PPP1R12B: variants seen among roughly 807,000 people sequenced by gnomAD.
PPP1R12B encodes the protein myosin phosphatase target subunit 2.
A neutral mutation model predicts 126.1 loss-of-function variants in PPP1R12B; 76 were observed. The observed-to-expected ratio is 0.60, with a 90% CI of 0.50 to 0.73. The LOEUF (loss-of-function observed/expected upper bound fraction) is 0.73, where lower values mean the gene tolerates loss of function less well. Among genes scored for constraint, PPP1R12B ranks in the 30% least tolerant of loss-of-function variants. The pLI is 0.00. For missense variants in PPP1R12B, 1,052 were observed against 1,205.1 expected (o/e 0.87, Z 1.88); for synonymous variants, 356 against 434.7 (o/e 0.82, Z 2.25).
chr1:202,441,099 T>C (rs112845588), intron 11 of PPP1R12B, among the ~76,000 whole-genome samples: 95 of 152,324 alleles, frequency 6.2e-4, no homozygotes, highest in African/African-American at 2.1e-3. Flanking sequence ...TCTGGTTTCT[T>C]AAGGACCCCT....
intron 18 of PPP1R12B, among the ~76,000 whole-genome samples, chr1:202,539,214 C>G (rs1251413959): frequency 6.6e-6 from 1 of 152,218 alleles, no homozygotes; most frequent in Non-Finnish European, 1.5e-5. Context: ...GCTGCCTACT[C>G]TGAGGCAGGG....
At chr1:202,467,837 C>T (rs1360928711) in intron 13 of PPP1R12B, among the ~76,000 whole-genome samples, 1 of 152,172 alleles carries the variant, frequency 6.6e-6, no homozygotes, top group Non-Finnish European at 1.5e-5. Flanking sequence ...TACAGTCCCA[C>T]CAACAGTGTA....
intron 1 of PPP1R12B, among the ~76,000 whole-genome samples, chr1:202,353,663 G>C (rs914897515): frequency 1.3e-5 from 2 of 149,882 alleles, no homozygotes; most frequent in African/African-American, 4.9e-5. Context: ...AGACTGGAGT[G>C]TGGTGGTGTG....
intron 18 of PPP1R12B, among the ~76,000 whole-genome samples, chr1:202,521,929 T>C (rs1003888554): frequency 6.6e-6 from 1 of 152,126 alleles, no homozygotes; most frequent in African/African-American, 2.4e-5. Flanking sequence ...AAATTAATGA[T>C]AAAGAGAAAA....
intron 18 of PPP1R12B, among the ~76,000 whole-genome samples, chr1:202,512,151 C>T (rs1319465790): frequency 6.6e-6 from 1 of 152,160 alleles, no homozygotes; most frequent in East Asian, 1.9e-4. Context: ...AGGGCTAACC[C>T]TAGAAAAGAG....
rs200648031 is a variant in PPP1R12B, at chr1:202,362,822, G to GTTTATTTA, written c.291+13698_291+13705dup. 3.3e-5 allele frequency among the ~76,000 whole-genome samples: 5 copies of GTTTATTTA among 151,924 alleles called. No individual in the cohort carries two copies. The East Asian group carries it at 9.6e-4, about 29-fold the overall frequency. The stretch of plus-strand genomic sequence containing the variant: ...TATAATGCACTTCTGTAGTTTGAAT[G>GTTTATTTA]TTTATTTATTTATTTATTTATTTAT... On this transcript the variant is annotated intron_variant, in intron 1 of 23. Transcript: ENST00000608999.
intron 1 of PPP1R12B, among the ~76,000 whole-genome samples, chr1:202,404,512 A>AT (rs1448324649): frequency 6.6e-6 from 1 of 151,422 alleles, no homozygotes; most frequent in Middle Eastern, 3.4e-3. Flanking sequence ...TTTTATTATA[A>AT]TTTTTTTGAG....
At chr1:202,466,351 G>A (rs1483447299) in intron 13 of PPP1R12B, among the ~76,000 whole-genome samples, 1 of 151,708 alleles carries the variant, frequency 6.6e-6, no homozygotes, top group Non-Finnish European at 1.5e-5. Flanking sequence ...TTATAATGTT[G>A]ACTATTGCCT....
chr1:202,491,315 A>C (rs1352199384), intron 14 of PPP1R12B, among the ~76,000 whole-genome samples: 1 of 151,980 alleles, frequency 6.6e-6, no homozygotes, highest in Non-Finnish European at 1.5e-5. Context: ...CACCTGGCTA[A>C]TTTTTGTATT....
intron 1 of PPP1R12B, among the ~76,000 whole-genome samples, chr1:202,364,898 G>T (rs1262982423): frequency 2.0e-5 from 3 of 152,068 alleles, no homozygotes; most frequent in Non-Finnish European, 2.9e-5. Flanking sequence ...TTTTTGTAGA[G>T]ATGTGGTCTC....
chr1:202,423,085 G>A (rs776369295), intron 3 of PPP1R12B, among the ~76,000 whole-genome samples: 3 of 152,168 alleles, frequency 2.0e-5, no homozygotes, highest in Non-Finnish European at 2.9e-5. Flanking sequence ...GCTAAACTGA[G>A]TTTGTGACTT....
intron 11 of PPP1R12B, among the ~76,000 whole-genome samples, chr1:202,441,455 C>T (rs1245620249): frequency 1.3e-5 from 2 of 152,158 alleles, no homozygotes; most frequent in African/African-American, 4.8e-5. Flanking sequence ...AGCCACTGCT[C>T]CTGGCCTGGG....
intron 13 of PPP1R12B, among the ~76,000 whole-genome samples, chr1:202,462,028 A>G (rs535563044): frequency 2.0e-5 from 3 of 152,316 alleles, no homozygotes; most frequent in South Asian, 4.1e-4. Context: ...TTGTTTTGCA[A>G]ACAAGTACAC....
In PPP1R12B at chr1:202,548,367, T is replaced by C. The variant is rs1262953640; in HGVS notation, c.2491-10510T>C. 3.9e-5 allele frequency among the ~76,000 whole-genome samples: 6 copies of C among 152,144 alleles called. No individual in the cohort carries two copies. The South Asian group carries it at 6.2e-4, about 16-fold the overall frequency. ...GTCAGAATGTTTTGTTTTGTTTTGT[T>C]TTGTTTTTTTTGAGACAGGATCTCG... On this transcript the variant is annotated intron_variant, in intron 18 of 23. Transcript: ENST00000608999.
intron 13 of PPP1R12B, among the ~76,000 whole-genome samples, chr1:202,464,398 T>C (rs1019520759): frequency 2.0e-5 from 3 of 152,170 alleles, no homozygotes; most frequent in African/African-American, 7.2e-5. Context: ...ATTGATCTAC[T>C]TGAGTGTGAA....
chr1:202,420,084 T>C lies in PPP1R12B; in HGVS notation c.423-2536T>C, dbSNP rs371608992. Among the ~76,000 whole-genome samples, 4 of 152,258 alleles carry C rather than the reference T, an allele frequency of 2.6e-5. No individual in the cohort carries two copies. In the East Asian group the frequency reaches 7.7e-4, roughly 29 times the overall value. Reference sequence around the variant, plus strand: ...AGATATTTAACTTTTTATCTATAGCTATCTGCTTAGGAACAAAAGGTAAGG... The same window carrying C: ...AGATATTTAACTTTTTATCTATAGCCATCTGCTTAGGAACAAAAGGTAAGG... On this transcript the variant is annotated intron_variant, in intron 2 of 23. Transcript: ENST00000608999.
intron 1 of PPP1R12B, among the ~76,000 whole-genome samples, chr1:202,381,956 G>A (rs554344728): frequency 6.6e-6 from 1 of 152,246 alleles, no homozygotes; most frequent in Admixed American, 6.5e-5. Context: ...TCATGCTGCT[G>A]TAAAGACACA....
At chr1:202,503,622 C>T (rs1680463327) in intron 18 of PPP1R12B, among the ~76,000 whole-genome samples, 3 of 152,018 alleles carry the variant, frequency 2.0e-5, no homozygotes, top group East Asian at 1.9e-4. Context: ...TGGAGCACTC[C>T]GAAATTCAAA....
rs748414825 is a variant in PPP1R12B, at chr1:202,586,642, GA to G, written c.*6088del. On this transcript the variant is annotated 3_prime_UTR_variant, in exon 24 of 24. Coordinates refer to ENST00000608999, the MANE Select transcript of PPP1R12B (RefSeq NM_002481.4). ...GAATGAGGTGATTTCTGAGGGCTGA[GA>G]AAAAACACAGAATCTTGGCCAGCAG... 6.6e-6 allele frequency: 1 copy of G among 152,262 alleles called. No individual in the cohort carries two copies. The highest frequency in any genetic ancestry group is 1.5e-5 in the Non-Finnish European group (1 of 68,046). The allele number at this position is 152,262 out of a possible 1,614,324, so 9.4% of individuals were successfully genotyped here.
Sources: gnomAD v4.1 joint callset for allele counts (sites outside exome capture counted in the v4.1 genomes callset) on GRCh38, gnomAD v4.1.1 for gene constraint, MANE v1.5 for transcripts, NCBI Gene and HGNC (gene_info 2026-07-23, HGNC 2026-07-21) for gene names.